The following SLC35F1 variants were observed in gnomAD, a reference collection of about 807,000 sequenced individuals.
The protein encoded by SLC35F1 is solute carrier family 35 member F1, also known as chromosome 6 open reading frame 169.
Under a neutral mutation model 48.7 loss-of-function variants are expected in SLC35F1, and 14 were observed. That is an observed-to-expected ratio of 0.29 (90% CI 0.19 to 0.45). The LOEUF (loss-of-function observed/expected upper bound fraction) is 0.45. Among genes scored for constraint, SLC35F1 ranks in the 20% least tolerant of loss-of-function variants. The pLI is 1.00. For synonymous variants in SLC35F1, 190 were observed against 202.2 expected (o/e 0.94, Z 0.51); for missense variants, 404 against 500.0 (o/e 0.81, Z 1.83).
At position 117,974,094 on chromosome 6, in the gene SLC35F1, C is replaced by A. The variant is rs533603411; in HGVS notation, c.173+66195C>A. ...CTCTGCCACTTGTCAGCTCTTTGGA[C>A]AAATTGTTTAATCTCTCTATGCCCC... On this transcript the variant is annotated intron_variant, in intron 1 of 7. Coordinates refer to ENST00000360388, the MANE Select transcript of SLC35F1 (RefSeq NM_001029858.4). Among the ~76,000 whole-genome samples, 32 of 152,260 alleles carry A rather than the reference C, an allele frequency of 2.1e-4. 1 individual carries two copies. The South Asian group carries it at 6.6e-3, about 32-fold the overall frequency.
chr6:118,282,503 C>T (rs965533393), intron 6 of SLC35F1, among the ~76,000 whole-genome samples: 1 of 152,164 alleles, frequency 6.6e-6, no homozygotes, highest in African/African-American at 2.4e-5. Flanking sequence ...GTATTTATTT[C>T]CCTACTCTCC....
intron 2 of SLC35F1, among the ~76,000 whole-genome samples, chr6:118,205,233 A>C (rs560617374): frequency 6.6e-6 from 1 of 152,314 alleles, no homozygotes; most frequent in South Asian, 2.1e-4. Flanking sequence ...TAGTGGAGGA[A>C]GATGTCTGTG....
At chr6:118,216,744 A>G (rs957393182) in intron 2 of SLC35F1, among the ~76,000 whole-genome samples, 1 of 152,206 alleles carries the variant, frequency 6.6e-6, no homozygotes, top group African/African-American at 2.4e-5. Flanking sequence ...TACTATGGTC[A>G]TGATTTTTGA....
At chr6:118,028,059 T>C (rs1771984008) in intron 1 of SLC35F1, among the ~76,000 whole-genome samples, 1 of 152,120 alleles carries the variant, frequency 6.6e-6, no homozygotes, top group Non-Finnish European at 1.5e-5. Flanking sequence ...AGCAAAGTTA[T>C]GGGTTTATTT....
At chr6:118,283,869 G>C (rs1325456038) in intron 6 of SLC35F1, among the ~76,000 whole-genome samples, 1 of 152,140 alleles carries the variant, frequency 6.6e-6, no homozygotes, top group Admixed American at 6.5e-5. Flanking sequence ...TTCTGATAGA[G>C]AATTAAAAAC....
intron 1 of SLC35F1, among the ~76,000 whole-genome samples, chr6:118,002,258 A>T (rs1777110738): frequency 6.6e-6 from 1 of 152,182 alleles, no homozygotes; most frequent in Non-Finnish European, 1.5e-5. Flanking sequence ...ACACCATGGA[A>T]TACTATGCAG....
At chr6:118,041,042 G>T (rs1772212589) in intron 1 of SLC35F1, among the ~76,000 whole-genome samples, 1 of 151,922 alleles carries the variant, frequency 6.6e-6, no homozygotes, top group South Asian at 2.1e-4. Flanking sequence ...TAAGAAATAT[G>T]AAAAAGACTT....
chr6:118,043,645 T>C (rs566667651), intron 1 of SLC35F1, among the ~76,000 whole-genome samples: 1 of 152,074 alleles, frequency 6.6e-6, no homozygotes, highest in Non-Finnish European at 1.5e-5. Flanking sequence ...TATATTTCAC[T>C]GGGCATTTTC....
At chr6:117,920,287 C>G (rs1466499569) in intron 1 of SLC35F1, among the ~76,000 whole-genome samples, 1 of 152,154 alleles carries the variant, frequency 6.6e-6, no homozygotes, top group African/African-American at 2.4e-5. Context: ...GAGGGGCGCT[C>G]GGACTACAGA....
intron 1 of SLC35F1, among the ~76,000 whole-genome samples, chr6:117,991,978 A>T (rs1220802659): frequency 2.6e-5 from 4 of 151,684 alleles, no homozygotes; most frequent in Non-Finnish European, 5.9e-5. Context: ...TGTTGGGAAA[A>T]TTTTTTCTCT....
chr6:118,230,024 A>G (rs1775266954), intron 2 of SLC35F1, among the ~76,000 whole-genome samples: 1 of 152,214 alleles, frequency 6.6e-6, no homozygotes, highest in South Asian at 2.1e-4. Context: ...CTCTATATCA[A>G]TTATAATGAT....
intron 3 of SLC35F1, among the ~76,000 whole-genome samples, chr6:118,262,372 T>C (rs912362517): frequency 6.6e-6 from 1 of 151,744 alleles, no homozygotes; most frequent in African/African-American, 2.4e-5. Flanking sequence ...AGTGATAAGA[T>C]GGTCAGAGAT....
At chr6:118,219,366 C>A (rs771927058) in intron 2 of SLC35F1, among the ~76,000 whole-genome samples, 13 of 152,096 alleles carry the variant, frequency 8.5e-5, no homozygotes, top group Non-Finnish European at 1.5e-4. Flanking sequence ...TCTTAAGTTA[C>A]TACTACCCAG....
At chr6:117,907,960 T>G in intron 1 of SLC35F1, 61 bp downstream of exon 1, 1 of 1,275,430 alleles carries the variant, frequency 7.8e-7, no homozygotes, top group Non-Finnish European at 9.9e-7. Context: ...CGGCTCCGGG[T>G]CCCCTCCGTC....
intron 2 of SLC35F1, among the ~76,000 whole-genome samples, chr6:118,198,800 A>G (rs956378907): frequency 6.6e-6 from 1 of 152,216 alleles, no homozygotes; most frequent in Non-Finnish European, 1.5e-5. Flanking sequence ...ACCTGTTGCC[A>G]ATCCCAGGGG....
chr6:118,134,179 G>C (rs1773758914), intron 1 of SLC35F1, among the ~76,000 whole-genome samples: 1 of 152,208 alleles, frequency 6.6e-6, no homozygotes, highest in Non-Finnish European at 1.5e-5. Flanking sequence ...TGCAGGGAAG[G>C]CCTTGATACT....
intron 1 of SLC35F1, among the ~76,000 whole-genome samples, chr6:118,015,551 T>A (rs193138156): frequency 1.2e-4 from 18 of 152,084 alleles, no homozygotes; most frequent in African/African-American, 4.1e-4. Context: ...TGGGTTTCTG[T>A]TCCTGCATTA....
intron 1 of SLC35F1, among the ~76,000 whole-genome samples, chr6:117,923,534 TG>T (rs1004306442): frequency 5.8e-4 from 82 of 140,626 alleles, no homozygotes; most frequent in East Asian, 2.1e-4. Context: ...TACACATATA[TG>T]GAATAGAATG....
At chr6:117,995,543 C>A (rs1021986152) in intron 1 of SLC35F1, among the ~76,000 whole-genome samples, 5 of 152,118 alleles carry the variant, frequency 3.3e-5, no homozygotes, top group African/African-American at 9.7e-5. Flanking sequence ...GAGTTTGAGA[C>A]CTGCCTGGCC....
Sources: gnomAD v4.1 joint callset for allele counts (sites outside exome capture counted in the v4.1 genomes callset) on GRCh38, gnomAD v4.1.1 for gene constraint, MANE v1.5 for transcripts, NCBI Gene and HGNC (gene_info 2026-07-23, HGNC 2026-07-21) for gene names.